Variants in ITCH observed in about 807,000 individuals in gnomAD.
ITCH encodes the protein E3 ubiquitin-protein ligase Itchy homolog.
In ITCH, 28 loss-of-function variants were observed where a neutral mutation model predicts 126.8. The observed-to-expected ratio is 0.22, with a 90% CI of 0.16 to 0.30. The LOEUF (loss-of-function observed/expected upper bound fraction) is 0.30, where lower values mean the gene tolerates loss of function less well. Ranked by LOEUF, ITCH falls within the 10% of genes least tolerant of loss-of-function variation. The pLI is 1.00. For missense variants in ITCH, 631 were observed against 1,032.4 expected, an observed-to-expected ratio of 0.61 and a Z score of 5.33; for synonymous variants, 342 against 340.0, an observed-to-expected ratio of 1.01 and a Z score of -0.06.
At chr20:34,477,478 G>A (rs6058057) in intron 16 of ITCH, among the ~76,000 whole-genome samples, 68,012 of 152,046 alleles carry the variant, frequency 0.45, 15,776 homozygotes, top group Non-Finnish European at 0.5. Context: ...GTGGTAAGCC[G>A]AGATTGTGCC....
intron 23 of ITCH, among the ~76,000 whole-genome samples, chr20:34,501,955 C>T (rs1260490740): frequency 6.6e-6 from 1 of 151,994 alleles, no homozygotes; most frequent in East Asian, 1.9e-4. Flanking sequence ...TGAGGTAGAT[C>T]TTAAAAGCAT....
intron 20 of ITCH, among the ~76,000 whole-genome samples, chr20:34,483,136 C>T (rs1988874823): frequency 8.8e-6 from 1 of 113,508 alleles, no homozygotes; most frequent in Non-Finnish European, 2.0e-5. Flanking sequence ...ATTTTTAGCT[C>T]CTAGGCCTGC....
chr20:34,365,631 G>T (rs1166698778), intron 1 of ITCH, among the ~76,000 whole-genome samples: 1 of 152,134 alleles, frequency 6.6e-6, no homozygotes, highest in Non-Finnish European at 1.5e-5. Flanking sequence ...TGGCTAGGCT[G>T]CTCTCGAACT....
chr20:34,440,767 A>G (rs1312142939), intron 9 of ITCH, among the ~76,000 whole-genome samples: 1 of 152,042 alleles, frequency 6.6e-6, no homozygotes, highest in African/African-American at 2.4e-5. Flanking sequence ...ATGTTATTGT[A>G]ACTGATTTTG....
intron 10 of ITCH, among the ~76,000 whole-genome samples, chr20:34,444,253 A>G (rs1984144951): frequency 6.6e-6 from 1 of 152,214 alleles, no homozygotes; most frequent in Admixed American, 6.5e-5. Context: ...GAACATTTGT[A>G]TCAATGTTTA....
chr20:34,490,665 G>A (rs1159724078), intron 22 of ITCH, among the ~76,000 whole-genome samples: 1 of 152,094 alleles, frequency 6.6e-6, no homozygotes, highest in Non-Finnish European at 1.5e-5. Flanking sequence ...AACACAATGA[G>A]ATACCACATC....
At chr20:34,376,073 A>G (rs573815171) in intron 2 of ITCH, among the ~76,000 whole-genome samples, 6 of 152,254 alleles carry the variant, frequency 3.9e-5, no homozygotes, top group South Asian at 2.1e-4. Context: ...ATGAATTCAT[A>G]GTGTAAACAC....
At chr20:34,385,217 G>T (rs1472274823) in intron 2 of ITCH, among the ~76,000 whole-genome samples, 148 of 127,384 alleles carry the variant, frequency 1.2e-3, no homozygotes, top group African/African-American at 4.9e-3. Flanking sequence ...GTGTGTGTGT[G>T]TGTGGTTTTT....
chr20:34,404,415 CT>C (rs1302908229), intron 3 of ITCH, among the ~76,000 whole-genome samples: 374 of 120,494 alleles, frequency 3.1e-3, no homozygotes, highest in Non-Finnish European at 3.3e-3. Flanking sequence ...GAGCTTCTGT[CT>C]TTTTTTTTTT....
intron 22 of ITCH, among the ~76,000 whole-genome samples, chr20:34,491,065 A>G (rs1465341849): frequency 6.6e-6 from 1 of 152,186 alleles, no homozygotes; most frequent in African/African-American, 2.4e-5. Flanking sequence ...CAACTTACCC[A>G]TTGTAAAGTT....
intron 2 of ITCH, among the ~76,000 whole-genome samples, chr20:34,379,278 G>A (rs2037962049): frequency 6.6e-6 from 1 of 151,936 alleles, no homozygotes; most frequent in Non-Finnish European, 1.5e-5. Context: ...CATCTCTAAG[G>A]GACAAAGAAA....
At chr20:34,374,405 G>A (rs890893432) in intron 2 of ITCH, among the ~76,000 whole-genome samples, 1 of 152,070 alleles carries the variant, frequency 6.6e-6, no homozygotes, top group African/African-American at 2.4e-5. Flanking sequence ...TTTTGCCTTA[G>A]TTTTCTCATC....
chr20:34,466,213 T>C, intron 14 of ITCH: 1 of 353,336 alleles, frequency 2.8e-6, no homozygotes. Context: ...TAATGTGGTA[T>C]ATTATGTTGA....
intron 3 of ITCH, among the ~76,000 whole-genome samples, chr20:34,399,438 T>C (rs1422107092): frequency 4.6e-5 from 7 of 152,050 alleles, no homozygotes; most frequent in African/African-American, 1.7e-4. Flanking sequence ...CACCATGTAT[T>C]GTAATGGCAA....
In ITCH at chr20:34,394,104, C is replaced by G. The variant is rs539071164; in HGVS notation, c.70+223C>G. On this transcript the variant is annotated intron_variant, in intron 3 of 24. Transcript: ENST00000374864. Reference sequence around the variant, plus strand: ...GTGCACACCTGCTGTCCCAGCTACTCCGGAGGCTGAGGCGTGAGAATCACT... The same window carrying G: ...GTGCACACCTGCTGTCCCAGCTACTGCGGAGGCTGAGGCGTGAGAATCACT... 6.6e-5 allele frequency among the ~76,000 whole-genome samples: 10 copies of G among 151,138 alleles called. No homozygotes were observed. The East Asian group carries it at 2.0e-3, about 30-fold the overall frequency.
At chr20:34,435,171 T>G (rs189837145) in intron 7 of ITCH, among the ~76,000 whole-genome samples, 2 of 136,058 alleles carry the variant, frequency 1.5e-5, no homozygotes, top group Non-Finnish European at 3.4e-5. Flanking sequence ...TGTTTGTTTT[T>G]GGGTTTTTTT....
At chr20:34,437,928 G>T (rs2146277345) in intron 7 of ITCH, among the ~76,000 whole-genome samples, 1 of 152,218 alleles carries the variant, frequency 6.6e-6, no homozygotes, top group Non-Finnish European at 1.5e-5. Context: ...AAAGTCTGTG[G>T]TTACTTCTAC....
chr20:34,489,815 C>T lies in ITCH; in HGVS notation c.2215-7C>T. The T allele has an allele frequency of 1.9e-6, 3 of 1,598,196 alleles. No individual in the cohort carries two copies. The highest frequency in any genetic ancestry group is 1.1e-5 in the South Asian group (1 of 90,710). ...TAGGAAACAATTTGTCTTTTTCATC[C>T]CTAAAGGTCCTTTTATGTGGAATGC... is the stretch of plus-strand genomic sequence containing the variant. On this transcript the variant is annotated splice_region_variant and splice_polypyrimidine_tract_variant and intron_variant, in intron 21 of 24. Coordinates refer to ENST00000374864, the MANE Select transcript of ITCH (RefSeq NM_031483.7).
intron 24 of ITCH, among the ~76,000 whole-genome samples, chr20:34,505,767 G>A (rs974334939): frequency 1.3e-4 from 19 of 151,980 alleles, no homozygotes; most frequent in Admixed American, 5.9e-4. Context: ...TGTTCGCCAG[G>A]CTGTTCTTGA....
Sources: allele counts gnomAD v4.1 joint callset (sites outside exome capture counted in the v4.1 genomes callset), GRCh38; gene constraint gnomAD v4.1.1; transcripts MANE v1.5; gene names NCBI Gene and HGNC (gene_info 2026-07-23, HGNC 2026-07-21).